The following DMXL1 variants were observed in gnomAD, a reference collection of about 807,000 sequenced individuals.
DMXL1 encodes the protein Dmx like 1, also known as dmX-like protein 1.
Under a neutral mutation model 319.2 loss-of-function variants are expected in DMXL1, and 99 were observed. The observed-to-expected ratio is 0.31, with a 90% CI of 0.26 to 0.37. The LOEUF (loss-of-function observed/expected upper bound fraction) is 0.37, where lower values mean the gene tolerates loss of function less well. Ranked by LOEUF, DMXL1 falls within the 10% of genes least tolerant of loss-of-function variation. The probability of loss-of-function intolerance (pLI) is 1.00; values close to 1 mark genes in which losing one functional copy is unlikely to be tolerated. For missense variants in DMXL1, 3,745 were observed against 3,595.6 expected (o/e 1.04, Z -1.06); for synonymous variants, 1,385 against 1,235.2 (o/e 1.12, Z -2.54).
chr5:119,075,089 A>T (rs1451519209), intron 1 of DMXL1, among the ~76,000 whole-genome samples: 1 of 152,214 alleles, frequency 6.6e-6, no homozygotes, highest in Non-Finnish European at 1.5e-5. Flanking sequence ...ATGCCTAACA[A>T]TAGAAAGTAC....
At chr5:119,115,431 A>G (rs1760625541) in intron 6 of DMXL1, among the ~76,000 whole-genome samples, 1 of 152,234 alleles carries the variant, frequency 6.6e-6, no homozygotes, top group Non-Finnish European at 1.5e-5. Flanking sequence ...TCATTGGTTC[A>G]TAGAGCATTT....
At position 119,084,931 on chromosome 5, in the gene DMXL1, C is replaced by G. The variant is rs181175956; in HGVS notation, c.88-13048C>G. Among the ~76,000 whole-genome samples the G allele has an allele frequency of 3.1e-3, 463 of 151,732 alleles. 4 individuals carry two copies. The highest frequency in any genetic ancestry group is 0.01 in the African/African-American group (430 of 41,368). ...GTCATTTTAACAATATTAATTCTTCCAATCCATGAGCATGGAATATCTTTC... is the reference window on the plus strand; with the variant it reads ...GTCATTTTAACAATATTAATTCTTCGAATCCATGAGCATGGAATATCTTTC... On this transcript the variant is annotated intron_variant, in intron 1 of 43. Transcript: ENST00000539542.
intron 19 of DMXL1, among the ~76,000 whole-genome samples, chr5:119,155,764 C>T (rs544511574): frequency 3.4e-5 from 5 of 148,138 alleles, no homozygotes; most frequent in Admixed American, 2.7e-4. Context: ...GAGGTCAAGA[C>T]TGCAACGAGC....
chr5:119,114,894 C>T (rs12658987), intron 6 of DMXL1, among the ~76,000 whole-genome samples: 89,281 of 151,980 alleles, frequency 0.59, 27,140 homozygotes, highest in East Asian at 0.97. Flanking sequence ...GGTCTTGAAC[C>T]CCTGACCTTG....
intron 19 of DMXL1, among the ~76,000 whole-genome samples, chr5:119,158,190 C>A (rs888749879): frequency 3.3e-5 from 5 of 149,816 alleles, no homozygotes; most frequent in African/African-American, 4.9e-5. Flanking sequence ...CCGGCCTGGC[C>A]GATATATTTC....
rs777558945 is a variant in DMXL1 at position 119,133,952 on chromosome 5, A to G, written c.2028A>G (p.Leu676=). 1.2e-6 allele frequency: 2 copies of G among 1,614,068 alleles called. No homozygotes were observed. The highest frequency in any genetic ancestry group is 1.3e-5 in the African/African-American group (1 of 74,934). ...VDNPEQPFDA[L]NIEECSLTQQ... Reference sequence around the variant, plus strand: ...ACCCAGAGCAACCTTTTGATGCTCTAAATATTGAAGAATGCTCTTTGACAC... The same window carrying G: ...ACCCAGAGCAACCTTTTGATGCTCTGAATATTGAAGAATGCTCTTTGACAC... Residue 676 remains leucine, a synonymous_variant, in exon 12 of 44, where the codon CTA becomes CTG. Coordinates refer to ENST00000539542, the MANE Select transcript of DMXL1 (RefSeq NM_001290321.3).
chr5:119,208,905 G>T (rs1402897117), intron 34 of DMXL1, among the ~76,000 whole-genome samples: 1 of 151,604 alleles, frequency 6.6e-6, no homozygotes, highest in Non-Finnish European at 1.5e-5. Flanking sequence ...ACTTTTTCCT[G>T]GTGTTAAAGA....
At chr5:119,128,360 C>G (rs1414901741) in intron 9 of DMXL1, 2 of 279,438 alleles carry the variant, frequency 7.2e-6, no homozygotes, top group African/African-American at 2.3e-5. Flanking sequence ...GAAAATCCCA[C>G]GTAGACTTCA....
chr5:119,121,335 G>A (rs1349255633), intron 9 of DMXL1, among the ~76,000 whole-genome samples, 196 bp downstream of exon 9: 1 of 151,128 alleles, frequency 6.6e-6, no homozygotes, highest in African/African-American at 2.4e-5. Context: ...GCAGAGGGAG[G>A]TTTGGCACGG....
At chr5:119,146,708 T>A (rs1015925848) in intron 15 of DMXL1, 129 bp from the exon 16 acceptor site, 2 of 780,772 alleles carry the variant, frequency 2.6e-6, no homozygotes, top group African/African-American at 3.6e-5. Flanking sequence ...TAATACCACT[T>A]GTGTTTGAAG....
intron 4 of DMXL1, among the ~76,000 whole-genome samples, 171 bp downstream of exon 4, chr5:119,105,429 C>T (rs1758120474): frequency 1.3e-5 from 2 of 152,064 alleles, no homozygotes; most frequent in Non-Finnish European, 2.9e-5. Context: ...GACAGATATG[C>T]ACTGTAAGAA....
Position 119,166,598 on chromosome 5 carries a change from A to G in DMXL1, c.4971-18A>G, listed in dbSNP as rs1238882256. ...AATTGTATTCCAAAATTTTCACACC[A>G]TTTTTTTTCCTTTATAGAGCTGAAA... On this transcript the variant is annotated intron_variant, in intron 21 of 43. Transcript: ENST00000539542. The G allele has an allele frequency of 8.9e-6, 14 of 1,575,440 alleles. No individual in the cohort carries two copies. Among genetic ancestry groups the G allele is most frequent in the Non-Finnish European group, 1.1e-5 (13 of 1,169,146 alleles).
chr5:119,119,948 C>G (rs1004344318), intron 8 of DMXL1, among the ~76,000 whole-genome samples: 1 of 151,418 alleles, frequency 6.6e-6, no homozygotes, highest in African/African-American at 2.4e-5. Context: ...TGGGGCGATA[C>G]CAGCTCACTG....
rs2150258541 is a variant in DMXL1, at chr5:119,170,308, C to T, written c.5517C>T (p.Ser1839=). The T allele has an allele frequency of 6.2e-7, 1 of 1,613,814 alleles. No homozygotes were observed. Among genetic ancestry groups the T allele is most frequent in the Non-Finnish European group, 8.5e-7 (1 of 1,179,940 alleles). ...CTGATACATTTTCCACACATATGAG[C>T]CTAACAGGAAAAAGTGGACTGGCAG... ...GSSDTFSTHM[S]LTGKSGLAGT... Residue 1839 remains serine, a synonymous_variant, in exon 24 of 44, where the codon AGC becomes AGT. Transcript: ENST00000539542.
intron 28 of DMXL1, among the ~76,000 whole-genome samples, chr5:119,185,032 G>A (rs1438162936): frequency 6.6e-6 from 1 of 152,098 alleles, no homozygotes; most frequent in East Asian, 1.9e-4. Context: ...GTATATTGAT[G>A]TCTACTACTA....
rs1281338211 is a variant in DMXL1, at chr5:119,206,836, A to G, written c.7866A>G (p.Ser2622=). The change falls in exon 34 of 44, where the codon TCA becomes TCG. Residue 2622 remains serine (S), a splice_region_variant and synonymous_variant. Coordinates refer to ENST00000539542, the MANE Select transcript of DMXL1 (RefSeq NM_001290321.3). ...IFTKKRCLNE[S]LEDNSETIKN... The stretch of plus-strand genomic sequence containing the variant: ...GTGGTTATTCTTTCTTGATGAAGTC[A>G]TTAGAGGACAACAGTGAAACCATCA... 2.6e-6 allele frequency: 4 copies of G among 1,520,596 alleles called. No homozygotes were observed. Among genetic ancestry groups the G allele is most frequent in the Non-Finnish European group, 2.6e-6 (3 of 1,136,056 alleles). 94.2% of individuals were successfully genotyped at this position (1,520,596 alleles called of 1,614,324 possible).
intron 29 of DMXL1, among the ~76,000 whole-genome samples, 156 bp from the exon 30 acceptor site, chr5:119,193,672 A>G (rs192236292): frequency 1.3e-5 from 2 of 152,324 alleles, no homozygotes; most frequent in East Asian, 3.9e-4. Flanking sequence ...AATAGTATCA[A>G]TTGATGTCAA....
rs142535269 is a variant in DMXL1 at position 119,099,752 on chromosome 5, A to G, written c.213+1648A>G. ...TGTGGTGGCTCATGCCTGTAATCCC[A>G]GAGCTTTAGGAGGGTCAAGGTGGGC... is the stretch of plus-strand genomic sequence containing the variant. On this transcript the variant is annotated intron_variant, in intron 2 of 43. Transcript: ENST00000539542. Among the ~76,000 whole-genome samples, 661 of 152,308 alleles carry G rather than the reference A, an allele frequency of 4.3e-3. 4 individuals are homozygous for G. The highest frequency in any genetic ancestry group is 0.015 in the African/African-American group (617 of 41,566).
At chr5:119,175,226 GTTATAC>G in intron 25 of DMXL1, 29 bp from the exon 26 acceptor site, 2 of 1,524,922 alleles carry the variant, frequency 1.3e-6, no homozygotes, top group Non-Finnish European at 1.8e-6. Flanking sequence ...CTTTAAAAAG[GTTATAC>G]TTAAAGTAAT....
Sources: allele counts gnomAD v4.1 joint callset (sites outside exome capture counted in the v4.1 genomes callset), GRCh38; gene constraint gnomAD v4.1.1; transcripts MANE v1.5; gene names NCBI Gene and HGNC (gene_info 2026-07-23, HGNC 2026-07-21).